SNRNP200: variants seen among roughly 807,000 people sequenced by gnomAD.
SNRNP200 encodes small nuclear ribonucleoprotein U5 subunit 200, also known as U5 small nuclear ribonucleoprotein 200 kDa helicase.
A neutral mutation model predicts 255.2 loss-of-function variants in SNRNP200; 66 were observed. The ratio of observed to expected loss-of-function variants is 0.26; its 90% CI spans 0.21 to 0.32. SNRNP200 has a LOEUF of 0.32. SNRNP200 is among the 10% of genes least tolerant of loss of function. The probability of loss-of-function intolerance (pLI) is 1.00; values close to 1 mark genes in which losing one functional copy is unlikely to be tolerated. For synonymous variants in SNRNP200, 939 were observed against 1,027.8 expected (o/e 0.91, Z 1.65); for missense variants, 1,585 against 2,749.8 (o/e 0.58, Z 9.47).
At chr2:96,301,117 G>A (rs2063949692) in intron 4 of SNRNP200, 64 bp from the exon 5 acceptor site, 1 of 1,343,650 alleles carries the variant, frequency 7.4e-7, no homozygotes, top group African/African-American at 1.4e-5. Flanking sequence ...GCACTCTGGA[G>A]CCAATGTCCT....
At chr2:96,296,184 T>G (rs978216632) in intron 13 of SNRNP200, among the ~76,000 whole-genome samples, 3 of 152,162 alleles carry the variant, frequency 2.0e-5, no homozygotes, top group Non-Finnish European at 4.4e-5. Flanking sequence ...TGGCAACTTG[T>G]AGATAAGAAG....
At chr2:96,288,815 C>T in intron 23 of SNRNP200, 69 bp from the exon 24 acceptor site, 3 of 1,348,398 alleles carry the variant, frequency 2.2e-6, no homozygotes, top group Non-Finnish European at 2.1e-6. Context: ...AATTACATTT[C>T]TGCTCTGAGC....
rs370095598 is a variant in SNRNP200 at position 96,278,528 on chromosome 2, G to A, written c.5488+19C>T. On this transcript the variant is annotated intron_variant, in intron 38 of 44. Transcript: ENST00000323853. The surrounding 1 kb of genome is among the most constrained non-coding windows in gnomAD (Gnocchi z 6.9). ...AAAAAGGCTCCCACAGACAGGACAC[G>A]GGCCATGCCGGGCCTCACCAATGGT... is the stretch of plus-strand genomic sequence containing the variant. 2.4e-4 allele frequency: 389 copies of A among 1,613,554 alleles called. 3 individuals are homozygous for A. Among genetic ancestry groups the A allele is most frequent in the East Asian group, 8.9e-5 (4 of 44,880 alleles).
At position 96,304,686 on chromosome 2, in the gene SNRNP200, G is replaced by T; in HGVS notation, c.209+19C>A. The T allele has an allele frequency of 6.2e-7, 1 of 1,613,948 alleles. No individual in the cohort carries two copies. The highest frequency in any genetic ancestry group is 8.5e-7 in the Non-Finnish European group (1 of 1,179,820). The stretch of plus-strand genomic sequence containing the variant: ...GACTTTGGATCTGAAGGAAAAAATA[G>T]TATCCCCTTGGCACTCACTTGGCTC... On this transcript the variant is annotated intron_variant, in intron 2 of 44. Transcript: ENST00000323853.
At position 96,296,880 on chromosome 2, in the gene SNRNP200, C is replaced by T. The variant is rs571960063; in HGVS notation, c.1515+53G>A. On this transcript the variant is annotated intron_variant, in intron 12 of 44. Transcript: ENST00000323853. ...GTGGAAATAAAAAACAATCTTGCAA[C>T]GGAAACTCCACACCATATTCTACAA... The T allele has an allele frequency of 1.7e-4, 280 of 1,612,466 alleles. No homozygotes were observed. The African/African-American group carries it at 2.2e-3, about 13-fold the overall frequency.
In SNRNP200 at chr2:96,290,911, C is replaced by T. The variant is rs1394829458; in HGVS notation, c.2422-96G>A. On this transcript the variant is annotated intron_variant, in intron 18 of 44. Transcript: ENST00000323853. This position sits in a 1 kb window ranked among gnomAD's most constrained non-coding sequence, Gnocchi z 4.5. Reference sequence around the variant, plus strand: ...AGGCAGTTGGCCTCAGAGCTTCTCTCAGGACTAGCCGGTAGGGCGCGTGGG... The same window carrying T: ...AGGCAGTTGGCCTCAGAGCTTCTCTTAGGACTAGCCGGTAGGGCGCGTGGG... 18 of 1,503,522 alleles carry T rather than the reference C, an allele frequency of 1.2e-5. 1 individual carries two copies. In the East Asian group the frequency reaches 4.1e-4, roughly 34 times the overall value. 93.1% of individuals were successfully genotyped at this position (1,503,522 alleles called of 1,614,324 possible).
At chr2:96,299,841 C>T (rs1370742327) in intron 5 of SNRNP200, among the ~76,000 whole-genome samples, 5 of 152,206 alleles carry the variant, frequency 3.3e-5, no homozygotes, top group Non-Finnish European at 5.9e-5. Context: ...GCACATTAGG[C>T]GTACCTGGCA....
intron 14 of SNRNP200, among the ~76,000 whole-genome samples, chr2:96,294,331 G>A (rs753557217): frequency 6.6e-6 from 1 of 151,952 alleles, no homozygotes; most frequent in Non-Finnish European, 1.5e-5. Context: ...CCAGCTACTC[G>A]GGAGACTGAG....
chr2:96,290,024 C>T lies in SNRNP200; in HGVS notation c.2743-28G>A. 1.9e-6 allele frequency: 3 copies of T among 1,607,730 alleles called. No homozygotes were observed. Among genetic ancestry groups the T allele is most frequent in the Non-Finnish European group, 2.6e-6 (3 of 1,174,222 alleles). ...ACAAGACACAGCTCATGGTTCTTAGCATGGAGAAACTCTTGATGTCCAAAT... is the reference window on the plus strand; with the variant it reads ...ACAAGACACAGCTCATGGTTCTTAGTATGGAGAAACTCTTGATGTCCAAAT... On this transcript the variant is annotated intron_variant, in intron 20 of 44. Coordinates refer to ENST00000323853, the MANE Select transcript of SNRNP200 (RefSeq NM_014014.5). This position sits in a 1 kb window ranked among gnomAD's most constrained non-coding sequence, Gnocchi z 4.5.
chr2:96,304,071 A>G (rs958285385), intron 2 of SNRNP200, among the ~76,000 whole-genome samples: 1 of 152,196 alleles, frequency 6.6e-6, no homozygotes, highest in Non-Finnish European at 1.5e-5. Flanking sequence ...AAGAAGATAT[A>G]GCACAAAGTG....
At position 96,277,530 on chromosome 2, in the gene SNRNP200, C is replaced by A. The variant is rs1192462084; in HGVS notation, c.5931+9G>T. The A allele has an allele frequency of 5.6e-6, 9 of 1,612,206 alleles. No individual in the cohort carries two copies. The highest frequency in any genetic ancestry group is 7.6e-6 in the Non-Finnish European group (9 of 1,180,038). ...CACCCACCTGACCCTCTAGGCTGAC[C>A]CGGCTCACCTTGTCTGTGCAACGTT... On this transcript the variant is annotated intron_variant, in intron 41 of 44. Transcript: ENST00000323853. This position sits in a 1 kb window ranked among gnomAD's most constrained non-coding sequence, Gnocchi z 4.4.
rs577213483 is a variant in SNRNP200, at chr2:96,289,743, T to A, written c.2940+56A>T. 2.7e-5 allele frequency: 43 copies of A among 1,572,184 alleles called. No homozygotes were observed. In the African/African-American group the frequency reaches 5.3e-4, roughly 19 times the overall value. The stretch of plus-strand genomic sequence containing the variant: ...CAAGAGAGCAATCTGAAAAATTTTT[T>A]CCTGGGCCAACAACTTTTGCTGAGA... On this transcript the variant is annotated intron_variant, in intron 21 of 44. Transcript: ENST00000323853.
Position 96,295,604 on chromosome 2 carries a change from A to C in SNRNP200, c.1726T>G (p.Cys576Gly). 1 of 1,613,994 alleles carries C rather than the reference A, an allele frequency of 6.2e-7. No individual in the cohort carries two copies. Among genetic ancestry groups the C allele is most frequent in the Non-Finnish European group, 8.5e-7 (1 of 1,180,008 alleles). ...VAELTGDHQL[C>G]KEEISATQII... is the part of the protein sequence containing the mutation. ...TGAGTGGCACTGATCTCTTCTTTGC[A>C]CAGCTGGTGGTCCCCAGTCAGTTCA... Residue 576 changes from cysteine (C) to glycine (G), a missense_variant, in exon 14 of 45, where the codon TGC (cysteine) becomes GGC (glycine). Transcript: ENST00000323853.
chr2:96,288,299 A>G (rs1182555465), intron 24 of SNRNP200, among the ~76,000 whole-genome samples: 1 of 152,220 alleles, frequency 6.6e-6, no homozygotes, highest in Non-Finnish European at 1.5e-5. Flanking sequence ...AGAGGTAAAG[A>G]TGAAGAGCAG....
rs1452182167 is a variant in SNRNP200 at position 96,291,452 on chromosome 2, T to G, written c.2361A>C (p.Ala787=). Residue 787 remains alanine, a synonymous_variant, in exon 18 of 45, where the codon GCA becomes GCC. Transcript: ENST00000323853. The surrounding 1 kb of genome is among the most constrained non-coding windows in gnomAD (Gnocchi z 4.2). ...LLPYGFAIHH[A]GMTRVDRTLV... is the part of the protein sequence containing the mutation. ...GTGTTCGGTCAACCCTGGTCATGCC[T>G]GCGTGATGAATAGCAAAGCCATAAG... The G allele has an allele frequency of 6.2e-7, 1 of 1,613,634 alleles. No individual in the cohort carries two copies. The highest frequency in any genetic ancestry group is 8.5e-7 in the Non-Finnish European group (1 of 1,179,532).
chr2:96,278,149 G>A lies in SNRNP200; in HGVS notation c.5610+88C>T, dbSNP rs556507568. On this transcript the variant is annotated intron_variant, in intron 39 of 44. Transcript: ENST00000323853. This position sits in a 1 kb window ranked among gnomAD's most constrained non-coding sequence, Gnocchi z 6.9. Reference sequence around the variant, plus strand: ...CGGGGGTCGGGGGATGCGTATGGGCGTGTTGGTGGCAGGGATGCCATGTGC... The same window carrying A: ...CGGGGGTCGGGGGATGCGTATGGGCATGTTGGTGGCAGGGATGCCATGTGC... 2.7e-4 allele frequency: 434 copies of A among 1,598,420 alleles called. 7 individuals carry two copies. Among genetic ancestry groups the A allele is most frequent in the South Asian group, 2.3e-3 (209 of 90,280 alleles).
rs780381951 is a variant in SNRNP200, at chr2:96,283,132, C to G, written c.4915+69G>C. ...GCTGTAGAGAAAACACTGCCACCCG[C>G]ACCCCTCAAGTTTAACACCACCACT... On this transcript the variant is annotated intron_variant, in intron 34 of 44. Transcript: ENST00000323853. This position sits in a 1 kb window ranked among gnomAD's most constrained non-coding sequence, Gnocchi z 4.7. 1.2e-4 allele frequency: 197 copies of G among 1,588,380 alleles called. No individual in the cohort carries two copies. Among genetic ancestry groups the G allele is most frequent in the Non-Finnish European group, 1.5e-4 (179 of 1,161,788 alleles).
chr2:96,278,791 G>A lies in SNRNP200; in HGVS notation c.5323+18C>T. 6.2e-7 allele frequency: 1 copy of A among 1,614,180 alleles called. No individual in the cohort carries two copies. Among genetic ancestry groups the A allele is most frequent in the Non-Finnish European group, 8.5e-7 (1 of 1,180,024 alleles). ...TGAGAACCACCAAAGGATCACGTGTGCTCCCAAGCCCACTGACCCTGCAGG... is the reference window on the plus strand; with the variant it reads ...TGAGAACCACCAAAGGATCACGTGTACTCCCAAGCCCACTGACCCTGCAGG... On this transcript the variant is annotated intron_variant, in intron 37 of 44. Transcript: ENST00000323853. The surrounding 1 kb of genome is among the most constrained non-coding windows in gnomAD (Gnocchi z 6.9).
chr2:96,281,734 C>T, intron 35 of SNRNP200, 80 bp downstream of exon 35: 3 of 1,143,874 alleles, frequency 2.6e-6, no homozygotes, highest in East Asian at 2.3e-5. Flanking sequence ...TTCATCCTAG[C>T]TTACTTTCTG....
Sources: allele counts gnomAD v4.1 joint callset (sites outside exome capture counted in the v4.1 genomes callset), GRCh38; gene constraint gnomAD v4.1.1; non-coding constraint Gnocchi (gnomAD v3.1); transcripts MANE v1.5; gene names NCBI Gene and HGNC (gene_info 2026-07-23, HGNC 2026-07-21).